The following KHDRBS3 variants were observed in gnomAD, a reference collection of about 807,000 sequenced individuals.
The protein encoded by KHDRBS3 is KH RNA binding domain containing, signal transduction associated 3.
A neutral mutation model predicts 45.6 loss-of-function variants in KHDRBS3; 23 were observed. That is an observed-to-expected ratio of 0.50 (90% confidence interval 0.36 to 0.72). KHDRBS3 has a LOEUF of 0.72. Among genes scored for constraint, KHDRBS3 ranks in the 30% least tolerant of loss-of-function variants. The pLI is 0.00. For missense variants in KHDRBS3, 352 were observed against 424.8 expected (o/e 0.83, Z 1.51); for synonymous variants, 162 against 156.5 (o/e 1.04, Z -0.26).
intron 6 of KHDRBS3, among the ~76,000 whole-genome samples, chr8:135,594,203 G>A (rs1428464255): frequency 1.3e-5 from 2 of 152,200 alleles, no homozygotes; most frequent in African/African-American, 2.4e-5. Context: ...AAATTAAAAA[G>A]CAATTTTAAA....
At position 135,506,681 on chromosome 8, in the gene KHDRBS3, C is replaced by T. The variant is rs138510324; in HGVS notation, c.89-14556C>T. ...CCTCCCAAAGTGCTTGGATTACAGG[C>T]GTGAGCCACTGCACCTGGCTGAACT... On this transcript the variant is annotated intron_variant, in intron 1 of 8. Coordinates refer to ENST00000355849, the MANE Select transcript of KHDRBS3 (RefSeq NM_006558.3). Among the ~76,000 whole-genome samples, 447 of 152,164 alleles carry T rather than the reference C, an allele frequency of 2.9e-3. 3 individuals carry two copies. The highest frequency in any genetic ancestry group is 0.01 in the African/African-American group (416 of 41,534).
intron 1 of KHDRBS3, among the ~76,000 whole-genome samples, chr8:135,507,126 A>G (rs1435370535): frequency 6.6e-6 from 1 of 152,160 alleles, no homozygotes; most frequent in Non-Finnish European, 1.5e-5. Context: ...CGTAGTTCCT[A>G]TAATTATTGG....
chr8:135,573,398 T>G (rs1227634565), intron 5 of KHDRBS3, among the ~76,000 whole-genome samples: 1 of 152,216 alleles, frequency 6.6e-6, no homozygotes, highest in Non-Finnish European at 1.5e-5. Context: ...TCTCCTTCCC[T>G]TATCTTTCAC....
chr8:135,596,206 T>C (rs544162899), intron 6 of KHDRBS3, among the ~76,000 whole-genome samples: 2 of 152,210 alleles, frequency 1.3e-5, no homozygotes, highest in Non-Finnish European at 2.9e-5. Flanking sequence ...ACACAGTGGA[T>C]GTCTTAGGAC....
chr8:135,470,429 C>T (rs910038749), intron 1 of KHDRBS3, among the ~76,000 whole-genome samples: 1 of 152,016 alleles, frequency 6.6e-6, no homozygotes, highest in African/African-American at 2.4e-5. Flanking sequence ...GAACCAACAG[C>T]GATAATCCCC....
At chr8:135,551,050 T>C (rs1826566009) in intron 4 of KHDRBS3, among the ~76,000 whole-genome samples, 2 of 152,110 alleles carry the variant, frequency 1.3e-5, no homozygotes, top group Admixed American at 6.5e-5. Flanking sequence ...AGAAATGCAA[T>C]TGAGTTTTGT....
downstream of KHDRBS3, among the ~76,000 whole-genome samples, chr8:135,651,339 A>G (rs1831424281): frequency 6.6e-6 from 1 of 151,144 alleles, no homozygotes. Context: ...CATAGTCATG[A>G]TACCTTAGTA....
intron 1 of KHDRBS3, among the ~76,000 whole-genome samples, chr8:135,512,430 G>GGT (rs932830017): frequency 7.9e-5 from 1 of 12,686 alleles, no homozygotes; most frequent in Non-Finnish European, 1.3e-4. Context: ...TGGAAAAGTC[G>GGT]GGGGGGGGGT....
intron 1 of KHDRBS3, among the ~76,000 whole-genome samples, chr8:135,476,699 A>G (rs1464913565): frequency 3.9e-5 from 6 of 152,216 alleles, no homozygotes; most frequent in Admixed American, 6.5e-5. Context: ...AAGGTTATGT[A>G]GTATGTAGTA....
chr8:135,625,348 CTCT>C (rs774881331), intron 7 of KHDRBS3: 392 of 961,026 alleles, frequency 4.1e-4, no homozygotes, highest in Non-Finnish European at 5.7e-4. Flanking sequence ...AGAAATCCCT[CTCT>C]TTCTCCAAGT....
chr8:135,464,186 T>G (rs1821579517), intron 1 of KHDRBS3, among the ~76,000 whole-genome samples: 1 of 152,222 alleles, frequency 6.6e-6, no homozygotes, highest in African/African-American at 2.4e-5. Context: ...TAAATAAATG[T>G]TTCATTATAG....
At chr8:135,590,561 G>C (rs1177355027) in intron 6 of KHDRBS3, among the ~76,000 whole-genome samples, 3 of 152,116 alleles carry the variant, frequency 2.0e-5, no homozygotes, top group Non-Finnish European at 1.5e-5. Flanking sequence ...TCACCCTAAA[G>C]ATGGTTTTTG....
intron 5 of KHDRBS3, among the ~76,000 whole-genome samples, chr8:135,569,492 TTTTC>T (rs1827593893): frequency 6.6e-6 from 1 of 152,192 alleles, no homozygotes; most frequent in African/African-American, 2.4e-5. Flanking sequence ...CACCAGGAGT[TTTTC>T]TAAGTTTGGA....
chr8:135,511,053 C>G (rs1824257926), intron 1 of KHDRBS3, among the ~76,000 whole-genome samples: 1 of 152,112 alleles, frequency 6.6e-6, no homozygotes. Flanking sequence ...GGTGAGTTTC[C>G]CCAAAATGTA....
At chr8:135,487,044 C>T (rs1797533693) in intron 1 of KHDRBS3, among the ~76,000 whole-genome samples, 1 of 151,994 alleles carries the variant, frequency 6.6e-6, no homozygotes, top group African/African-American at 2.4e-5. Flanking sequence ...TTATTCTTTC[C>T]TTTATATTTC....
At chr8:135,530,872 C>T (rs559872418) in intron 2 of KHDRBS3, among the ~76,000 whole-genome samples, 2 of 152,172 alleles carry the variant, frequency 1.3e-5, no homozygotes, top group African/African-American at 2.4e-5. Flanking sequence ...CTTTACATTT[C>T]ATTTCACTCC....
At chr8:135,619,364 G>A (rs1253635620) in intron 7 of KHDRBS3, among the ~76,000 whole-genome samples, 1 of 151,548 alleles carries the variant, frequency 6.6e-6, no homozygotes, top group African/African-American at 2.4e-5. Flanking sequence ...AGAGACATTG[G>A]AAATAAAAAA....
chr8:135,531,028 G>A (rs915190904), intron 2 of KHDRBS3, among the ~76,000 whole-genome samples: 7 of 152,072 alleles, frequency 4.6e-5, no homozygotes, highest in Non-Finnish European at 7.4e-5. Context: ...CTGAATTAAC[G>A]GTTTCATGTT....
intron 7 of KHDRBS3, among the ~76,000 whole-genome samples, chr8:135,639,406 G>C (rs1830963504): frequency 6.6e-6 from 1 of 152,156 alleles, no homozygotes; most frequent in African/African-American, 2.4e-5. Context: ...GTATTTGAAG[G>C]ATCATCCTCC....
Sources: allele counts gnomAD v4.1 joint callset (sites outside exome capture counted in the v4.1 genomes callset), GRCh38; gene constraint gnomAD v4.1.1; transcripts MANE v1.5; gene names NCBI Gene and HGNC (gene_info 2026-07-23, HGNC 2026-07-21).